GLI2: variants seen among roughly 807,000 people sequenced by gnomAD.
The protein encoded by GLI2 is transcription activator GLI2.
In GLI2, 22 loss-of-function variants were observed where a neutral mutation model predicts 78.9. The observed-to-expected ratio is 0.28, with a 90% CI of 0.20 to 0.40. GLI2 has a LOEUF of 0.40. GLI2 is among the 10% of genes least tolerant of loss of function. The pLI is 1.00. For missense variants in GLI2, 2,097 were observed against 2,213.2 expected, an observed-to-expected ratio of 0.95 and a Z score of 1.05; for synonymous variants, 974 against 963.7, an observed-to-expected ratio of 1.01 and a Z score of -0.20.
intron 2 of GLI2, among the ~76,000 whole-genome samples, chr2:120,887,070 A>G (rs1464674096): frequency 6.6e-6 from 1 of 152,186 alleles, no homozygotes; most frequent in East Asian, 1.9e-4. Context: ...CACTGTGGGA[A>G]GATGCCTGGC....
chr2:120,931,048 G>T (rs976710327), intron 3 of GLI2, among the ~76,000 whole-genome samples: 1 of 152,232 alleles, frequency 6.6e-6, no homozygotes, highest in Admixed American at 6.5e-5. Context: ...TCACTGGTTG[G>T]ATTCCTGAAG....
At chr2:120,838,962 G>C (rs1558825999) in intron 2 of GLI2, among the ~76,000 whole-genome samples, 1 of 152,204 alleles carries the variant, frequency 6.6e-6, no homozygotes, top group Non-Finnish European at 1.5e-5. Flanking sequence ...GTGCAGGACT[G>C]TATTTCTCAC....
chr2:120,852,480 T>G (rs1397706477), intron 2 of GLI2, among the ~76,000 whole-genome samples: 2 of 152,050 alleles, frequency 1.3e-5, no homozygotes, highest in African/African-American at 4.8e-5. Flanking sequence ...ATATGTCGTG[T>G]CCGTGCCAAT....
chr2:120,792,575 C>T (rs11690997), intron 1 of GLI2: 61,314 of 151,950 alleles, frequency 0.4, 13,775 homozygotes, highest in African/African-American at 0.61. Context: ...AAAAATGTAT[C>T]TTTTCATCAG....
At chr2:120,980,040 A>C (rs764307219) in intron 10 of GLI2, among the ~76,000 whole-genome samples, 1 of 152,212 alleles carries the variant, frequency 6.6e-6, no homozygotes, top group Non-Finnish European at 1.5e-5. Flanking sequence ...TTATGCATTC[A>C]TCAGTTGATG....
intron 2 of GLI2, among the ~76,000 whole-genome samples, chr2:120,896,585 G>C (rs1162819612): frequency 3.3e-5 from 5 of 151,812 alleles, no homozygotes; most frequent in African/African-American, 1.2e-4. Flanking sequence ...ATTTTGTTTT[G>C]AAGGTGGAAG....
chr2:120,922,128 C>T (rs1281227237), intron 2 of GLI2, among the ~76,000 whole-genome samples: 1 of 152,212 alleles, frequency 6.6e-6, no homozygotes, highest in African/African-American at 2.4e-5. Flanking sequence ...TGTCACAACA[C>T]TGTTCCCAGG....
At chr2:120,927,597 C>A (rs371369562) in intron 3 of GLI2, 131 bp downstream of exon 3, 6 of 751,064 alleles carry the variant, frequency 8.0e-6, no homozygotes, top group Middle Eastern at 2.6e-4. Context: ...TTGTCCTGAG[C>A]GGGCGATCAC....
chr2:120,757,088 A>G (rs940886359), intron 1 of GLI2, among the ~76,000 whole-genome samples: 2 of 152,090 alleles, frequency 1.3e-5, no homozygotes, highest in Non-Finnish European at 2.9e-5. Flanking sequence ...TGTATCTTCC[A>G]TGTCTCCACT....
intron 3 of GLI2, 137 bp from the exon 4 acceptor site, chr2:120,951,106 G>A (rs186616674): frequency 2.2e-5 from 16 of 726,734 alleles, no homozygotes; most frequent in Admixed American, 2.1e-4. Context: ...GGGGAATGTC[G>A]GTGTAGCAAA....
At chr2:120,844,769 C>G (rs1015392675) in intron 2 of GLI2, among the ~76,000 whole-genome samples, 4 of 152,170 alleles carry the variant, frequency 2.6e-5, no homozygotes, top group Admixed American at 2.6e-4. Flanking sequence ...CTGGGGCACC[C>G]CATCCTAGCA....
At chr2:120,903,485 A>G (rs1418197963) in intron 2 of GLI2, among the ~76,000 whole-genome samples, 2 of 152,180 alleles carry the variant, frequency 1.3e-5, no homozygotes, top group Non-Finnish European at 2.9e-5. Flanking sequence ...GAGAGAGACA[A>G]AGTCCCACTG....
intron 2 of GLI2, among the ~76,000 whole-genome samples, chr2:120,838,979 G>A (rs1042694787): frequency 2.0e-5 from 3 of 152,148 alleles, no homozygotes; most frequent in African/African-American, 7.2e-5. Flanking sequence ...TCACAGTTCT[G>A]GAGGCTGGGA....
chr2:120,831,566 G>C (rs1686361586), intron 2 of GLI2, among the ~76,000 whole-genome samples: 1 of 152,192 alleles, frequency 6.6e-6, no homozygotes, highest in African/African-American at 2.4e-5. Flanking sequence ...TTATGGTTGG[G>C]GATAGTCAGT....
At chr2:120,756,483 A>G (rs1016672302) in intron 1 of GLI2, among the ~76,000 whole-genome samples, 5 of 152,112 alleles carry the variant, frequency 3.3e-5, no homozygotes, top group African/African-American at 1.2e-4. Flanking sequence ...TTCTTCCTTT[A>G]TAATCTGAAT....
chr2:120,816,596 T>C (rs1406019005), intron 2 of GLI2, among the ~76,000 whole-genome samples: 1 of 152,152 alleles, frequency 6.6e-6, no homozygotes, highest in African/African-American at 2.4e-5. Context: ...CAAATTCATT[T>C]GAAAATAACA....
Position 120,987,458 on chromosome 2 carries a change from T to C in GLI2, c.2243-750T>C, listed in dbSNP as rs369063693. On this transcript the variant is annotated intron_variant, in intron 13 of 13. Coordinates refer to ENST00000361492, the MANE Select transcript of GLI2 (RefSeq NM_001374353.1). Reference sequence around the variant, plus strand: ...CTGCAGGAGTGTAAAGGCCCAGCCATCAAGATGAGGCTCAGAGAGGTGCCC... The same window carrying C: ...CTGCAGGAGTGTAAAGGCCCAGCCACCAAGATGAGGCTCAGAGAGGTGCCC... Among the ~76,000 whole-genome samples the C allele has an allele frequency of 2.6e-4, 40 of 152,174 alleles. No individual in the cohort carries two copies. In the East Asian group the frequency reaches 7.7e-3, roughly 29 times the overall value.
In GLI2 at chr2:120,859,241, A is replaced by G. The variant is rs79014370; in HGVS notation, c.148+61773A>G. Among the ~76,000 whole-genome samples the G allele has an allele frequency of 6.5e-3, 997 of 152,254 alleles. 12 individuals are homozygous for G. Among genetic ancestry groups the G allele is most frequent in the African/African-American group, 0.023 (937 of 41,556 alleles). ...GGCCACTCAGGCCCTGAGATCACACATTGAGTTGATGGCAAAAGCAGAAGC... is the reference window on the plus strand; with the variant it reads ...GGCCACTCAGGCCCTGAGATCACACGTTGAGTTGATGGCAAAAGCAGAAGC... On this transcript the variant is annotated intron_variant, in intron 2 of 13. Transcript: ENST00000361492.
rs566063321 is a variant in GLI2, at chr2:120,948,873, C to T, written c.255-2370C>T. Among the ~76,000 whole-genome samples the T allele has an allele frequency of 4.6e-5, 7 of 152,312 alleles. No homozygotes were observed. The East Asian group carries it at 1.4e-3, about 29-fold the overall frequency. On this transcript the variant is annotated intron_variant, in intron 3 of 13. Coordinates refer to ENST00000361492, the MANE Select transcript of GLI2 (RefSeq NM_001374353.1). Reference sequence around the variant, plus strand: ...GCCGGCATCCTGCAGGCTCTGGGAACCTGCCGTGCCTGGAGTGTCTGGGGA... The same window carrying T: ...GCCGGCATCCTGCAGGCTCTGGGAATCTGCCGTGCCTGGAGTGTCTGGGGA...
Sources: allele counts gnomAD v4.1 joint callset (sites outside exome capture counted in the v4.1 genomes callset), GRCh38; gene constraint gnomAD v4.1.1; transcripts MANE v1.5; gene names NCBI Gene and HGNC (gene_info 2026-07-23, HGNC 2026-07-21).